Variants in CACFD1 observed in about 807,000 individuals in gnomAD.
The protein encoded by CACFD1 is calcium channel flower homolog.
A neutral mutation model predicts 21.3 loss-of-function variants in CACFD1; 26 were observed. The observed-to-expected ratio is 1.22, with a 90% CI of 0.89 to 1.69. The LOEUF is 1.69. CACFD1 is among the 40% of genes most tolerant of loss of function. The pLI is 0.00. For missense variants in CACFD1, 265 were observed against 236.2 expected (o/e 1.12, Z -0.80); for synonymous variants, 121 against 106.6 (o/e 1.13, Z -0.83).
intron 4 of CACFD1, chr9:133,468,249 C>A: frequency 7.0e-7 from 1 of 1,430,612 alleles, no homozygotes; most frequent in South Asian, 1.4e-5. Context: ...CGGCCTGCAG[C>A]AAGGATAGCA....
At chr9:133,463,586 G>T in intron 2 of CACFD1, 31 bp downstream of exon 2, 1 of 1,611,554 alleles carries the variant, frequency 6.2e-7, no homozygotes. Context: ...CCACCCCGGG[G>T]GTCTTGCTGG....
chr9:133,468,668 C>T lies in CACFD1; in HGVS notation c.*15C>T, dbSNP rs782725851. The T allele has an allele frequency of 7.7e-6, 12 of 1,556,390 alleles. No homozygotes were observed. Among genetic ancestry groups the T allele is most frequent in the African/African-American group, 1.3e-5 (1 of 74,190 alleles). Reference sequence around the variant, plus strand: ...GGGAGCTGTGAAGGGCTGGGCGCCCCTCCCTCCCTGTCCCCTCTTCTGGCT... The same window carrying T: ...GGGAGCTGTGAAGGGCTGGGCGCCCTTCCCTCCCTGTCCCCTCTTCTGGCT... On this transcript the variant is annotated 3_prime_UTR_variant, in exon 5 of 5. Transcript: ENST00000316948.
chr9:133,468,306 G>C (rs911182526), intron 4 of CACFD1: 57 of 1,527,522 alleles, frequency 3.7e-5, no homozygotes, highest in Non-Finnish European at 4.6e-5. Context: ...TCTGCACCGG[G>C]CATTGTACTC....
chr9:133,463,490 G>A lies in CACFD1; in HGVS notation c.129G>A (p.Ala43=), dbSNP rs782449280. The A allele has an allele frequency of 2.0e-5, 33 of 1,613,950 alleles. No individual in the cohort carries two copies. Among genetic ancestry groups the A allele is most frequent in the East Asian group, 4.5e-5 (2 of 44,896 alleles). ...CGTGTCTCTTGTTTCAAGCTTGCGC[G>A]ATCTCTGGCCTCTTCAACTGCATCA... is the stretch of plus-strand genomic sequence containing the variant. ...LSGVLGAVSC[A]ISGLFNCITI... Residue 43 remains alanine (A), a synonymous_variant, in exon 2 of 5, where the codon GCG becomes GCA. Transcript: ENST00000316948.
intron 1 of CACFD1, 103 bp downstream of exon 1, chr9:133,460,290 G>A (rs900294544): frequency 3.0e-5 from 32 of 1,059,580 alleles, no homozygotes; most frequent in Non-Finnish European, 3.7e-5. Flanking sequence ...AGGACCCGCT[G>A]GGGGTCGGGG....
chr9:133,467,565 C>T (rs1221272612), intron 3 of CACFD1, among the ~76,000 whole-genome samples: 5 of 152,200 alleles, frequency 3.3e-5, no homozygotes, highest in Non-Finnish European at 5.9e-5. Context: ...GTAACTTGCC[C>T]GCGAAGCTAG....
chr9:133,460,205 G>C lies in CACFD1; in HGVS notation c.121+18G>C. 6.6e-7 allele frequency: 1 copy of C among 1,520,232 alleles called. No individual in the cohort carries two copies. Among genetic ancestry groups the C allele is most frequent in the Non-Finnish European group, 8.8e-7 (1 of 1,135,934 alleles). 94.2% of individuals were successfully genotyped at this position (1,520,232 alleles called of 1,614,324 possible). ...GGCAGTCTGTGAGTATCCAGTCGGG[G>C]AGAGGGGCCGGCCCCGCCGCGCATG... On this transcript the variant is annotated intron_variant, in intron 1 of 4. Coordinates refer to ENST00000316948, the MANE Select transcript of CACFD1 (RefSeq NM_017586.5).
intron 2 of CACFD1, among the ~76,000 whole-genome samples, 155 bp downstream of exon 2, chr9:133,463,710 G>A (rs1554798982): frequency 6.6e-6 from 1 of 152,246 alleles, no homozygotes; most frequent in African/African-American, 2.4e-5. Flanking sequence ...GGGCATGTGA[G>A]TTTCTGGCCA....
rs2130995367 is a variant in CACFD1 at position 133,465,245 on chromosome 9, T to C, written c.195-77T>C. The stretch of plus-strand genomic sequence containing the variant: ...AGGGTGAGGGAGGTGGCATTCCTTA[T>C]GGCACTGGCACTGGGGGCCGCCCTC... On this transcript the variant is annotated intron_variant, in intron 2 of 4. Coordinates refer to ENST00000316948, the MANE Select transcript of CACFD1 (RefSeq NM_017586.5). The surrounding 1 kb of genome is among the most constrained non-coding windows in gnomAD (Gnocchi z 5.0). 3 of 1,541,294 alleles carry C rather than the reference T, an allele frequency of 1.9e-6. No individual in the cohort carries two copies. Among genetic ancestry groups the C allele is most frequent in the South Asian group, 1.1e-5 (1 of 89,532 alleles).
chr9:133,465,276 C>T lies in CACFD1; in HGVS notation c.195-46C>T, dbSNP rs1554799302. ...TGGCACTGGGGGCCGCCCTCATCCTCCTGGGATTGTCAGTCGCTGCTCTTC... is the reference window on the plus strand; with the variant it reads ...TGGCACTGGGGGCCGCCCTCATCCTTCTGGGATTGTCAGTCGCTGCTCTTC... On this transcript the variant is annotated intron_variant, in intron 2 of 4. Transcript: ENST00000316948. This position sits in a 1 kb window ranked among gnomAD's most constrained non-coding sequence, Gnocchi z 5.0. 59 of 1,611,154 alleles carry T rather than the reference C, an allele frequency of 3.7e-5. No individual in the cohort carries two copies. Among genetic ancestry groups the T allele is most frequent in the Non-Finnish European group, 4.9e-5 (58 of 1,179,260 alleles).
At chr9:133,468,372 A>T (rs1042490207) in intron 4 of CACFD1, 191 bp from the exon 5 acceptor site, 3 of 1,535,782 alleles carry the variant, frequency 2.0e-6, no homozygotes, top group Non-Finnish European at 1.7e-6. Flanking sequence ...TTCGCAGCCC[A>T]GCATCCCAGG....
chr9:133,461,709 A>G (rs781980567), intron 1 of CACFD1: 60 of 214,324 alleles, frequency 2.8e-4, no homozygotes, highest in South Asian at 8.4e-4. Flanking sequence ...TGTTGGGTCT[A>G]CAGATGAAGC....
chr9:133,460,549 CTT>C (rs587664970), intron 1 of CACFD1, among the ~76,000 whole-genome samples: 2 of 141,370 alleles, frequency 1.4e-5, no homozygotes, highest in East Asian at 2.0e-4. Context: ...TTTTGTGAGA[CTT>C]TCTCGGTGAT....
At position 133,468,037 on chromosome 9, in the gene CACFD1, G is replaced by C. The variant is rs782330679; in HGVS notation, c.428+9G>C. ...TCTGCTCTGGGCAAAAAGTGCGTCT[G>C]CCAGGCCCAGCCCCTGGGCAGGGCC... On this transcript the variant is annotated intron_variant, in intron 4 of 4. Transcript: ENST00000316948. 3 of 1,607,166 alleles carry C rather than the reference G, an allele frequency of 1.9e-6. No homozygotes were observed. The highest frequency in any genetic ancestry group is 2.6e-6 in the Non-Finnish European group (3 of 1,174,278).
At position 133,465,722 on chromosome 9, in the gene CACFD1, A is replaced by T; in HGVS notation, c.320+275A>T. ...GGCAGCATCCGTGCAGTGGAGAGAA[A>T]GTGGGAAGCGTCTGGAATTTTGGTC... is the stretch of plus-strand genomic sequence containing the variant. On this transcript the variant is annotated intron_variant, in intron 3 of 4. Transcript: ENST00000316948. The surrounding 1 kb of genome is among the most constrained non-coding windows in gnomAD (Gnocchi z 5.0). 1 of 383,778 alleles carries T rather than the reference A, an allele frequency of 2.6e-6. No individual in the cohort carries two copies. The highest frequency in any genetic ancestry group is 3.6e-5 in the South Asian group (1 of 28,108). The allele number at this position is 383,778 out of a possible 1,614,324, so 23.8% of individuals were successfully genotyped here. A position where few individuals can be genotyped will look rare whatever the true frequency, so the allele number is the denominator to read the frequency against.
intron 1 of CACFD1, chr9:133,462,107 C>T: frequency 2.3e-6 from 3 of 1,303,244 alleles, no homozygotes; most frequent in Non-Finnish European, 3.0e-6. Flanking sequence ...GCCTGCTGGT[C>T]TGGCTTGACA....
chr9:133,463,448 C>T (rs1554798892), intron 1 of CACFD1, 35 bp from the exon 2 acceptor site: 2 of 1,613,532 alleles, frequency 1.2e-6, no homozygotes, highest in African/African-American at 2.7e-5. Context: ...CCGCCTGCCT[C>T]CCTGCTGACT....
chr9:133,463,622 G>A, intron 2 of CACFD1, 67 bp downstream of exon 2: 2 of 1,529,934 alleles, frequency 1.3e-6, no homozygotes, highest in East Asian at 2.3e-5. Context: ...GCACCTCCCG[G>A]GACAGAGGAG....
chr9:133,461,907 C>T (rs1843233234), intron 1 of CACFD1: 1 of 985,402 alleles, frequency 1.0e-6, no homozygotes. Context: ...AGGTTTTCCT[C>T]CTCCAGGGTG....
Sources: gnomAD v4.1 joint callset for allele counts (sites outside exome capture counted in the v4.1 genomes callset) on GRCh38, gnomAD v4.1.1 for gene constraint, Gnocchi (gnomAD v3.1) non-coding constraint, MANE v1.5 for transcripts, NCBI Gene and HGNC (gene_info 2026-07-23, HGNC 2026-07-21) for gene names.